Variants in PAX2 observed in about 807,000 individuals in gnomAD.
PAX2 encodes the protein paired box protein Pax-2.
PAX2 carries 9 observed loss-of-function variants against 41.7 expected under a neutral mutation model. The ratio of observed to expected loss-of-function variants is 0.22; its 90% CI spans 0.13 to 0.38. The LOEUF is 0.38. Ranked by LOEUF, PAX2 falls within the 10% of genes least tolerant of loss-of-function variation. The probability of loss-of-function intolerance (pLI) is 1.00; values close to 1 mark genes in which losing one functional copy is unlikely to be tolerated. For missense variants in PAX2, 418 were observed against 531.6 expected, an observed-to-expected ratio of 0.79 and a Z score of 2.10; for synonymous variants, 221 against 212.7, an observed-to-expected ratio of 1.04 and a Z score of -0.34.
intron 7 of PAX2, among the ~76,000 whole-genome samples, chr10:100,818,933 A>G (rs1026079950): frequency 2.3e-4 from 35 of 152,080 alleles, no homozygotes; most frequent in African/African-American, 8.2e-4. Context: ...GGCCCCTCTG[A>G]GTTTATTTCT....
At chr10:100,804,997 C>CT in intron 5 of PAX2, among the ~76,000 whole-genome samples, 1 of 135,238 alleles carries the variant, frequency 7.4e-6, no homozygotes, top group African/African-American at 3.1e-5. Flanking sequence ...CTCTCTCTCT[C>CT]CTTCTCTCTC....
At position 100,746,296 on chromosome 10, in the gene PAX2, G is replaced by C. The variant is rs148288173; in HGVS notation, c.36G>C (p.Ala12=). 55 of 1,607,066 alleles carry C rather than the reference G, an allele frequency of 3.4e-5. No homozygotes were observed. Among genetic ancestry groups the C allele is most frequent in the Non-Finnish European group, 4.6e-5 (54 of 1,173,900 alleles). Residue 12 remains alanine (A), a synonymous_variant, in exon 1 of 10, where the codon GCG becomes GCC. Coordinates refer to ENST00000355243, the MANE Select transcript of PAX2 (RefSeq NM_000278.5). ...ACTGCAAAGCAGACCCCTTCTCCGC[G>C]ATGCACCGTGAGTACCGGCGCCCGG... The part of the protein sequence containing the change: ...DMHCKADPFS[A]MHPGHGGVNQ...
chr10:100,801,348 A>G (rs1381818050), intron 5 of PAX2, among the ~76,000 whole-genome samples: 1 of 152,266 alleles, frequency 6.6e-6, no homozygotes, highest in Non-Finnish European at 1.5e-5. Flanking sequence ...CAAATAGGAA[A>G]CAGTCAGATA....
At chr10:100,740,271 G>T (rs1055066977) in intron 1 of PAX2, among the ~76,000 whole-genome samples, 1 of 152,126 alleles carries the variant, frequency 6.6e-6, no homozygotes, top group Non-Finnish European at 1.5e-5. Flanking sequence ...GGTGGTGGTG[G>T]TTGGGGGGTG....
At chr10:100,779,795 C>T (rs1846539565) in intron 4 of PAX2, among the ~76,000 whole-genome samples, 1 of 152,148 alleles carries the variant, frequency 6.6e-6, no homozygotes, top group South Asian at 2.1e-4. Context: ...TGTCACCTCC[C>T]TCTGCCCTGC....
At position 100,745,879 on chromosome 10, in the gene PAX2, C is replaced by A. The variant is rs1006495991; in HGVS notation, c.-382C>A. On this transcript the variant is annotated 5_prime_UTR_variant, in exon 1 of 10. Transcript: ENST00000355243. Reference sequence around the variant, plus strand: ...CGCGCGCTCTCCGACCACCGCCTCTCGGATGACCAGGTTCCAGGGGAGCTG... The same window carrying A: ...CGCGCGCTCTCCGACCACCGCCTCTAGGATGACCAGGTTCCAGGGGAGCTG... 27 of 1,116,958 alleles carry A rather than the reference C, an allele frequency of 2.4e-5. No homozygotes were observed. Among genetic ancestry groups the A allele is most frequent in the Non-Finnish European group, 2.7e-5 (25 of 914,982 alleles). The allele number at this position is 1,116,958 out of a possible 1,614,324, so 69.2% of individuals were successfully genotyped here.
At chr10:100,749,689 T>A (rs1845361339) in intron 1 of PAX2, 57 bp from the exon 2 acceptor site, 2 of 1,572,546 alleles carry the variant, frequency 1.3e-6, no homozygotes, top group Admixed American at 1.7e-5. Context: ...GGACCCTGAC[T>A]AATGGCCGGT....
chr10:100,750,619 C>G lies in PAX2; in HGVS notation c.213-75C>G. 1 of 1,310,648 alleles carries G rather than the reference C, an allele frequency of 7.6e-7. No homozygotes were observed. The highest frequency in any genetic ancestry group is 1.1e-6 in the Non-Finnish European group (1 of 917,794). 81.2% of individuals were successfully genotyped at this position (1,310,648 alleles called of 1,614,324 possible). On this transcript the variant is annotated intron_variant, in intron 2 of 9. Transcript: ENST00000355243. The surrounding 1 kb of genome is among the most constrained non-coding windows in gnomAD (Gnocchi z 4.1). ...TCGGCCGGGCAGGAGAGTGGCTCAG[C>G]AGCTCTGGAACCTGCAGCCCCCCTG...
intron 7 of PAX2, among the ~76,000 whole-genome samples, chr10:100,814,712 C>T (rs1274689752): frequency 1.3e-5 from 2 of 152,196 alleles, no homozygotes; most frequent in African/African-American, 4.8e-5. Context: ...TGGGAAGCCT[C>T]CGTAGCTTCC....
rs1386974142 is a variant in PAX2 at position 100,748,319 on chromosome 10, G to A, written c.44-1427G>A. 1 of 984,672 alleles carries A rather than the reference G, an allele frequency of 1.0e-6. No individual in the cohort carries two copies. The highest frequency in any genetic ancestry group is 1.2e-6 in the Non-Finnish European group (1 of 829,498). The allele number at this position is 984,672 out of a possible 1,614,324, so 61.0% of individuals were successfully genotyped here. A position where few individuals can be genotyped will look rare whatever the true frequency, so the allele number is the denominator to read the frequency against. On this transcript the variant is annotated intron_variant, in intron 1 of 9. Transcript: ENST00000355243. The surrounding 1 kb of genome is among the most constrained non-coding windows in gnomAD (Gnocchi z 5.0). ...AGGGTGAGAAGTGGGGCTAGAGATAGGGAGATTAACGGGGTGGGCAAGGGG... is the reference window on the plus strand; with the variant it reads ...AGGGTGAGAAGTGGGGCTAGAGATAAGGAGATTAACGGGGTGGGCAAGGGG...
chr10:100,794,580 C>G (rs1283480810), intron 5 of PAX2, among the ~76,000 whole-genome samples: 1 of 152,188 alleles, frequency 6.6e-6, no homozygotes, highest in Non-Finnish European at 1.5e-5. Context: ...CCTCACCATC[C>G]TGGTTACCCA....
chr10:100,829,897 G>A lies in PAX2; in HGVS notation c.*2278G>A. The A allele has an allele frequency of 5.6e-6, 1 of 179,304 alleles. No homozygotes were observed. The highest frequency in any genetic ancestry group is 1.2e-5 in the Non-Finnish European group (1 of 83,560). The allele number at this position is 179,304 out of a possible 1,614,324, so 11.1% of individuals were successfully genotyped here. ...GATTCTTTTTCTTTTGTGCACATAA[G>A]AAATAAATAATAATAATAAATAAAG... On this transcript the variant is annotated 3_prime_UTR_variant, in exon 10 of 10. Coordinates refer to ENST00000355243, the MANE Select transcript of PAX2 (RefSeq NM_000278.5).
rs1845316044 is a variant in PAX2, at chr10:100,748,832, TG to T, written c.44-911del. The T allele has an allele frequency of 1.0e-6, 1 of 985,240 alleles. No individual in the cohort carries two copies. Among genetic ancestry groups the T allele is most frequent in the African/African-American group, 1.7e-5 (1 of 57,156 alleles). The allele number at this position is 985,240 out of a possible 1,614,324, so 61.0% of individuals were successfully genotyped here. A position where few individuals can be genotyped will look rare whatever the true frequency, so the allele number is the denominator to read the frequency against. On this transcript the variant is annotated intron_variant, in intron 1 of 9. Coordinates refer to ENST00000355243, the MANE Select transcript of PAX2 (RefSeq NM_000278.5). The surrounding 1 kb of genome is among the most constrained non-coding windows in gnomAD (Gnocchi z 5.0). The stretch of plus-strand genomic sequence containing the variant: ...GGGTCAAAGGGACTCGAGTCGGGTT[TG>T]GGTCGGCTACACAGGGCGCCCCGAG...
At chr10:100,795,031 C>T (rs1180543624) in intron 5 of PAX2, among the ~76,000 whole-genome samples, 1 of 152,224 alleles carries the variant, frequency 6.6e-6, no homozygotes, top group East Asian at 1.9e-4. Flanking sequence ...AGGAAAGCCA[C>T]ATGGCCCACC....
rs1012596713 is a variant in PAX2 at position 100,745,731 on chromosome 10, T to A, written c.-530T>A. On this transcript the variant is annotated 5_prime_UTR_variant, in exon 1 of 10. Coordinates refer to ENST00000355243, the MANE Select transcript of PAX2 (RefSeq NM_000278.5). Reference sequence around the variant, plus strand: ...GGGGGCGGGGGCCTGGCCCGCGCGCTCCCCTCCCGCAGGCGCCACCTCGGA... The same window carrying A: ...GGGGGCGGGGGCCTGGCCCGCGCGCACCCCTCCCGCAGGCGCCACCTCGGA... 252 of 1,007,958 alleles carry A rather than the reference T, an allele frequency of 2.5e-4. No individual in the cohort carries two copies. The highest frequency in any genetic ancestry group is 2.9e-4 in the Non-Finnish European group (247 of 842,390). 62.4% of individuals were successfully genotyped at this position (1,007,958 alleles called of 1,614,324 possible).
At chr10:100,774,967 G>A (rs975488910) in intron 3 of PAX2, among the ~76,000 whole-genome samples, 9 of 152,362 alleles carry the variant, frequency 5.9e-5, no homozygotes, top group South Asian at 2.1e-4. Flanking sequence ...AGGAAAGGGC[G>A]AGCTCTCATC....
intron 5 of PAX2, among the ~76,000 whole-genome samples, chr10:100,792,487 T>G (rs2133921691): frequency 6.6e-6 from 1 of 152,328 alleles, no homozygotes; most frequent in East Asian, 1.9e-4. Context: ...TCCCTTCTCT[T>G]TCTGGGAACT....
At chr10:100,812,086 C>T (rs1022622095) in intron 7 of PAX2, among the ~76,000 whole-genome samples, 3 of 152,180 alleles carry the variant, frequency 2.0e-5, no homozygotes, top group African/African-American at 7.2e-5. Context: ...TGGGCCAGGA[C>T]ACAGCTAATC....
upstream of PAX2, among the ~76,000 whole-genome samples, chr10:100,745,413 C>T (rs901121833): frequency 6.6e-6 from 1 of 150,774 alleles, no homozygotes; most frequent in Non-Finnish European, 1.5e-5. Context: ...GTGACAGGCT[C>T]GGGGCCCTCC....
Sources: gnomAD v4.1 joint callset for allele counts (sites outside exome capture counted in the v4.1 genomes callset) on GRCh38, gnomAD v4.1.1 for gene constraint, Gnocchi (gnomAD v3.1) non-coding constraint, MANE v1.5 for transcripts, NCBI Gene and HGNC (gene_info 2026-07-23, HGNC 2026-07-21) for gene names.